SNTG1: variants seen among roughly 807,000 people sequenced by gnomAD.
SNTG1 encodes syntrophin gamma 1.
SNTG1 carries 39 observed loss-of-function variants against 74.7 expected under a neutral mutation model. That is an observed-to-expected ratio of 0.52 (90% confidence interval 0.40 to 0.68). The LOEUF is 0.68. Among genes scored for constraint, SNTG1 ranks in the 30% least tolerant of loss-of-function variants. The probability of loss-of-function intolerance (pLI) is 0.00; values close to 1 mark genes in which losing one functional copy is unlikely to be tolerated. For synonymous variants in SNTG1, 254 were observed against 217.1 expected (o/e 1.17, Z -1.49); for missense variants, 685 against 609.5 (o/e 1.12, Z -1.30).
intron 1 of SNTG1, among the ~76,000 whole-genome samples, chr8:50,080,036 TTTTTCTAATTTCA>T (rs1279606551): frequency 6.6e-6 from 1 of 152,210 alleles, no homozygotes; most frequent in Non-Finnish European, 1.5e-5. Context: ...CATGGGCTTG[TTTTTCTAATTTCA>T]TTTTCTAATG....
At chr8:50,422,259 TCTATCTATCTA>T (rs991109383) in intron 4 of SNTG1, among the ~76,000 whole-genome samples, 6 of 3,334 alleles carry the variant, frequency 1.8e-3, no homozygotes, top group Non-Finnish European at 0.017. Flanking sequence ...TATCTATCTA[TCTATCTATCTA>T]CTATCTATCT....
intron 12 of SNTG1, among the ~76,000 whole-genome samples, chr8:50,567,783 T>A (rs1042965838): frequency 3.6e-4 from 55 of 152,184 alleles, no homozygotes; most frequent in African/African-American, 1.3e-3. Flanking sequence ...CATGTAAAGA[T>A]TGTATAATGA....
At chr8:50,147,505 A>G (rs1408970561) in intron 1 of SNTG1, among the ~76,000 whole-genome samples, 1 of 152,198 alleles carries the variant, frequency 6.6e-6, no homozygotes, top group East Asian at 1.9e-4. Context: ...TTACAAATAC[A>G]CTAGGGTTTG....
Position 50,421,288 on chromosome 8 carries a change from C to A in SNTG1, c.163-17255C>A, listed in dbSNP as rs1329919894. Among the ~76,000 whole-genome samples the A allele has an allele frequency of 2.6e-5, 4 of 152,098 alleles. No homozygotes were observed. In the South Asian group the frequency reaches 8.3e-4, roughly 32 times the overall value. On this transcript the variant is annotated intron_variant, in intron 4 of 18. Coordinates refer to ENST00000642720, the MANE Select transcript of SNTG1 (RefSeq NM_018967.5). Reference sequence around the variant, plus strand: ...GTTACTTCATAGGCAGAGAAGCGTTCGGGGCTGCTAGTGGCCCATATTTAT... The same window carrying A: ...GTTACTTCATAGGCAGAGAAGCGTTAGGGGCTGCTAGTGGCCCATATTTAT...
chr8:50,093,798 A>G (rs1484736134), intron 1 of SNTG1, among the ~76,000 whole-genome samples: 2 of 152,178 alleles, frequency 1.3e-5, no homozygotes, highest in South Asian at 2.1e-4. Context: ...AGGTAGTGAA[A>G]AGCCATCAAG....
chr8:50,532,213 C>T (rs148189232), intron 10 of SNTG1, among the ~76,000 whole-genome samples: 3 of 151,962 alleles, frequency 2.0e-5, no homozygotes, highest in African/African-American at 7.2e-5. Flanking sequence ...TATCATGATG[C>T]TATAGAGAAT....
chr8:50,381,562 G>A (rs187058917), intron 2 of SNTG1, among the ~76,000 whole-genome samples: 48 of 108,674 alleles, frequency 4.4e-4, no homozygotes, highest in African/African-American at 1.4e-3. Flanking sequence ...TAGGATATGT[G>A]TGTGTGTGTG....
chr8:50,761,234 C>T (rs770566152), intron 18 of SNTG1, among the ~76,000 whole-genome samples: 3 of 151,928 alleles, frequency 2.0e-5, no homozygotes, highest in African/African-American at 7.2e-5. Context: ...AATCAATAAA[C>T]GTTAATTCTT....
At position 50,249,549 on chromosome 8, in the gene SNTG1, A is replaced by T. The variant is rs191389268; in HGVS notation, c.-28+76914A>T. ...ATGCACACCCACCCCTGCCCCTTAC[A>T]GACCAGGCAGTGACCCTGACAATTC... On this transcript the variant is annotated intron_variant, in intron 2 of 18. Coordinates refer to ENST00000642720, the MANE Select transcript of SNTG1 (RefSeq NM_018967.5). 2.6e-5 allele frequency among the ~76,000 whole-genome samples: 4 copies of T among 152,322 alleles called. No homozygotes were observed. In the East Asian group the frequency reaches 7.7e-4, roughly 29 times the overall value.
intron 13 of SNTG1, among the ~76,000 whole-genome samples, chr8:50,616,062 C>T (rs549398411): frequency 1.3e-5 from 2 of 152,156 alleles, no homozygotes; most frequent in Non-Finnish European, 2.9e-5. Context: ...GCTCTTACAA[C>T]CTTTATGTGG....
chr8:50,638,514 C>G (rs1250734853), intron 13 of SNTG1, among the ~76,000 whole-genome samples: 2 of 152,068 alleles, frequency 1.3e-5, no homozygotes, highest in East Asian at 3.9e-4. Context: ...AAAATTTTTT[C>G]TATAGCACTG....
intron 11 of SNTG1, among the ~76,000 whole-genome samples, chr8:50,547,639 A>G (rs1429954881): frequency 6.6e-6 from 1 of 152,120 alleles, no homozygotes; most frequent in African/African-American, 2.4e-5. Flanking sequence ...GGAGGACAGT[A>G]TTCCAGGGTG....
Position 50,010,785 on chromosome 8 carries a change from CT to C in SNTG1, c.-103+98577del, listed in dbSNP as rs774350614. Among the ~76,000 whole-genome samples, 297 of 89,144 alleles carry C rather than the reference CT, an allele frequency of 3.3e-3. 1 individual carries two copies. Among genetic ancestry groups the C allele is most frequent in the African/African-American group, 9.3e-3 (188 of 20,254 alleles). 58.5% of individuals were successfully genotyped at this position (89,144 alleles called of 152,430 possible). On this transcript the variant is annotated intron_variant, in intron 1 of 18. Transcript: ENST00000642720. Reference sequence around the variant, plus strand: ...GACATATCCAAGGACACAGGCCTCTCTTTTTTTTTTTTTTTTTTTTTTTGGT... The same window carrying C: ...GACATATCCAAGGACACAGGCCTCTCTTTTTTTTTTTTTTTTTTTTTTGGT...
intron 13 of SNTG1, among the ~76,000 whole-genome samples, chr8:50,596,645 T>C (rs2094729105): frequency 6.6e-6 from 1 of 152,092 alleles, no homozygotes; most frequent in South Asian, 2.1e-4. Context: ...GGTCTATTTG[T>C]ATCTCATGAC....
chr8:50,263,318 A>T (rs1158713092), intron 2 of SNTG1, among the ~76,000 whole-genome samples: 1 of 152,340 alleles, frequency 6.6e-6, no homozygotes, highest in East Asian at 1.9e-4. Flanking sequence ...TACAAAAGGA[A>T]GAAGACAAGA....
At chr8:50,613,127 T>G (rs2130997460) in intron 13 of SNTG1, among the ~76,000 whole-genome samples, 1 of 152,238 alleles carries the variant, frequency 6.6e-6, no homozygotes, top group African/African-American at 2.4e-5. Flanking sequence ...ATAGAAACAT[T>G]GCAAAGTTTA....
intron 12 of SNTG1, among the ~76,000 whole-genome samples, chr8:50,555,302 G>A (rs1310318648): frequency 6.6e-6 from 1 of 152,072 alleles, no homozygotes; most frequent in Non-Finnish European, 1.5e-5. Context: ...TTTTGTTCTT[G>A]CAATCAGTTT....
intron 15 of SNTG1, among the ~76,000 whole-genome samples, chr8:50,669,372 C>G (rs192119561): frequency 6.6e-6 from 1 of 152,016 alleles, no homozygotes. Flanking sequence ...ACCACTGATC[C>G]CACAGAAATA....
At chr8:50,036,673 G>A (rs1289795465) in intron 1 of SNTG1, among the ~76,000 whole-genome samples, 3 of 152,064 alleles carry the variant, frequency 2.0e-5, no homozygotes, top group Non-Finnish European at 1.5e-5. Flanking sequence ...CAAATGAATG[G>A]GTGGCATAGC....
Sources: gnomAD v4.1 joint callset for allele counts (sites outside exome capture counted in the v4.1 genomes callset) on GRCh38, gnomAD v4.1.1 for gene constraint, MANE v1.5 for transcripts, NCBI Gene and HGNC (gene_info 2026-07-23, HGNC 2026-07-21) for gene names.